The following TRAPPC10 variants were observed in gnomAD, a reference collection of about 807,000 sequenced individuals.
TRAPPC10 encodes the protein trafficking protein particle complex subunit 10, also known as TRAPP 130 kDa subunit.
TRAPPC10 carries 23 observed loss-of-function variants against 125.5 expected under a neutral mutation model. The ratio of observed to expected loss-of-function variants is 0.18; its 90% confidence interval spans 0.13 to 0.26. TRAPPC10 has a LOEUF of 0.26. Among genes scored for constraint, TRAPPC10 ranks in the 10% least tolerant of loss-of-function variants. The pLI, the probability that TRAPPC10 is intolerant of heterozygous loss-of-function variation, is 1.00. For missense variants in TRAPPC10, 1,123 were observed against 1,308.4 expected (o/e 0.86, Z 2.19); for synonymous variants, 509 against 518.0 (o/e 0.98, Z 0.24).
Position 44,063,151 on chromosome 21 carries a change from C to T in TRAPPC10, c.791-387C>T. 2 of 1,305,566 alleles carry T rather than the reference C, an allele frequency of 1.5e-6. No individual in the cohort carries two copies. Among genetic ancestry groups the T allele is most frequent in the Non-Finnish European group, 2.0e-6 (2 of 992,460 alleles). 80.9% of individuals were successfully genotyped at this position (1,305,566 alleles called of 1,614,324 possible). Reference sequence around the variant, plus strand: ...AAAACACCAGGATGGTCAGAGCAGGCTGCACTCCAGCCCACAGGTAAAGAT... The same window carrying T: ...AAAACACCAGGATGGTCAGAGCAGGTTGCACTCCAGCCCACAGGTAAAGAT... On this transcript the variant is annotated intron_variant, in intron 6 of 22. Coordinates refer to ENST00000291574, the MANE Select transcript of TRAPPC10 (RefSeq NM_003274.5). This position sits in a 1 kb window ranked among gnomAD's most constrained non-coding sequence, Gnocchi z 4.4.
At position 44,018,917 on chromosome 21, in the gene TRAPPC10, C is replaced by T. The variant is rs563097581; in HGVS notation, c.67+6357C>T. ...GTTGACAGAGTGTCTTCCCTGGAGT[C>T]GCATGCCTTAGTGTGTAAGTGTGTG... On this transcript the variant is annotated intron_variant, in intron 1 of 22. Transcript: ENST00000291574. Among the ~76,000 whole-genome samples the T allele has an allele frequency of 7.6e-4, 115 of 152,198 alleles. 1 individual carries two copies. Among genetic ancestry groups the T allele is most frequent in the African/African-American group, 2.6e-3 (106 of 41,522 alleles).
chr21:44,095,876 G>A (rs2058946028), intron 20 of TRAPPC10, among the ~76,000 whole-genome samples: 1 of 151,400 alleles, frequency 6.6e-6, no homozygotes, highest in Admixed American at 6.6e-5. Context: ...CCCAAAGTAC[G>A]GGTTTGTATG....
chr21:44,035,670 G>A (rs1370237875), intron 2 of TRAPPC10, among the ~76,000 whole-genome samples: 2 of 152,082 alleles, frequency 1.3e-5, no homozygotes, highest in African/African-American at 4.8e-5. Context: ...CCAACTACCC[G>A]GGAGGCTGAG....
chr21:44,023,192 C>T (rs539082543), intron 1 of TRAPPC10, among the ~76,000 whole-genome samples: 14 of 151,836 alleles, frequency 9.2e-5, no homozygotes, highest in Non-Finnish European at 1.2e-4. Context: ...GCCACCACGC[C>T]GGGCTAATTT....
chr21:44,079,906 AG>A (rs1414156015), intron 12 of TRAPPC10, 108 bp from the exon 13 acceptor site: 3 of 1,109,206 alleles, frequency 2.7e-6, no homozygotes, highest in Admixed American at 2.8e-5. Context: ...AAAAAAAAAA[AG>A]CCCTTTGGCT....
chr21:44,050,160 C>T (rs186354467), intron 3 of TRAPPC10, among the ~76,000 whole-genome samples: 6 of 152,218 alleles, frequency 3.9e-5, no homozygotes, highest in Middle Eastern at 6.8e-3. Context: ...GTCACAGAGT[C>T]GTTTTTAACA....
At chr21:44,074,233 G>T (rs568353720) in intron 7 of TRAPPC10, 91 bp from the exon 8 acceptor site, 1 of 1,524,590 alleles carries the variant, frequency 6.6e-7, no homozygotes, top group East Asian at 2.3e-5. Context: ...AGGATGGAGG[G>T]TTTTGCACGT....
chr21:44,093,255 T>C (rs1429929940), intron 19 of TRAPPC10, among the ~76,000 whole-genome samples: 2 of 151,746 alleles, frequency 1.3e-5, no homozygotes, highest in African/African-American at 2.4e-5. Context: ...GCTCAGGAGT[T>C]TGAGACCAGC....
At chr21:44,075,487 ATT>A (rs879495618) in intron 9 of TRAPPC10, among the ~76,000 whole-genome samples, 4 of 143,994 alleles carry the variant, frequency 2.8e-5, no homozygotes, top group African/African-American at 5.1e-5. Context: ...CGACCTGACG[ATT>A]TTTTTTTTTT....
intron 7 of TRAPPC10, among the ~76,000 whole-genome samples, chr21:44,064,078 G>C (rs1005152485): frequency 3.3e-5 from 5 of 152,196 alleles, no homozygotes; most frequent in Non-Finnish European, 7.3e-5. Context: ...TGCGTGAGCT[G>C]TCTCCACGGG....
At chr21:44,028,379 C>T (rs1237044272) in intron 1 of TRAPPC10, among the ~76,000 whole-genome samples, 2 of 152,154 alleles carry the variant, frequency 1.3e-5, no homozygotes, top group African/African-American at 4.8e-5. Context: ...CGGCTCCAGG[C>T]GGCACCCTAG....
chr21:44,031,972 G>A, intron 1 of TRAPPC10, 119 bp from the exon 2 acceptor site: 1 of 782,770 alleles, frequency 1.3e-6, no homozygotes. Context: ...GAAGAATCTT[G>A]CGATATCGCT....
Position 44,076,574 on chromosome 21 carries a change from T to C in TRAPPC10, c.1323T>C (p.Tyr441=), listed in dbSNP as rs1227670138. The change falls in exon 10 of 23, where the codon TAT becomes TAC. Residue 441 remains tyrosine (Y), a synonymous_variant. Coordinates refer to ENST00000291574, the MANE Select transcript of TRAPPC10 (RefSeq NM_003274.5). ...AAGCCAACACAGCTCAGAGTCCTTA[T>C]AAGAAACTGAAAGAAGCATTATCGT... The part of the protein sequence containing the change: ...PETANTAQSP[Y]KKLKEALSSV... The C allele has an allele frequency of 7.4e-6, 12 of 1,614,040 alleles. No individual in the cohort carries two copies. The East Asian group carries it at 2.5e-4, about 33-fold the overall frequency.
chr21:44,045,685 G>T (rs1297276405), intron 3 of TRAPPC10, among the ~76,000 whole-genome samples: 1 of 151,760 alleles, frequency 6.6e-6, no homozygotes, highest in Non-Finnish European at 1.5e-5. Context: ...CTGAGTAGCT[G>T]GGATTATAGG....
At position 44,051,115 on chromosome 21, in the gene TRAPPC10, G is replaced by T. The variant is rs557526808; in HGVS notation, c.286-1165G>T. Among the ~76,000 whole-genome samples the T allele has an allele frequency of 1.4e-4, 22 of 152,248 alleles. No homozygotes were observed. The East Asian group carries it at 3.9e-3, about 27-fold the overall frequency. The stretch of plus-strand genomic sequence containing the variant: ...GATGGGGTTTCACCATGTTGCCCAA[G>T]CTGGTCTTGAACTCCTGAGCTCAGG... On this transcript the variant is annotated intron_variant, in intron 3 of 22. Coordinates refer to ENST00000291574, the MANE Select transcript of TRAPPC10 (RefSeq NM_003274.5).
At position 44,082,624 on chromosome 21, in the gene TRAPPC10, T is replaced by G. The variant is rs1378103211; in HGVS notation, c.1724-164T>G. Among the ~76,000 whole-genome samples, 1 of 152,020 alleles carries G rather than the reference T, an allele frequency of 6.6e-6. No individual in the cohort carries two copies. ...ATATTCTGCTTTTGATACAATAGCC[T>G]TTGGGGGGTGTGAAGATGGCAGGAG... is the stretch of plus-strand genomic sequence containing the variant. On this transcript the variant is annotated intron_variant, in intron 13 of 22. Transcript: ENST00000291574. The surrounding 1 kb of genome is among the most constrained non-coding windows in gnomAD (Gnocchi z 4.4).
chr21:44,022,276 A>ATTTT (rs58767563), intron 1 of TRAPPC10, among the ~76,000 whole-genome samples: 2 of 83,810 alleles, frequency 2.4e-5, no homozygotes, highest in Non-Finnish European at 2.4e-5. Context: ...GCCTGGCTAA[A>ATTTT]TTTTTTTTTT....
At chr21:44,074,586 A>T in intron 8 of TRAPPC10, 116 bp downstream of exon 8, 2 of 1,375,438 alleles carry the variant, frequency 1.5e-6, no homozygotes, top group East Asian at 4.9e-5. Context: ...CGATGCATCC[A>T]CTTTAGTGGC....
Position 44,032,087 on chromosome 21 carries a change from A to T in TRAPPC10, c.68-4A>T. On this transcript the variant is annotated splice_polypyrimidine_tract_variant and splice_region_variant and intron_variant, in intron 1 of 22. Coordinates refer to ENST00000291574, the MANE Select transcript of TRAPPC10 (RefSeq NM_003274.5). ...GTAACTGAATTTCTTTCTTCCCTTC[A>T]TAGGTGCTGGAGATCAGAATTTATT... The T allele has an allele frequency of 1.2e-6, 2 of 1,611,478 alleles. No homozygotes were observed. The highest frequency in any genetic ancestry group is 1.7e-6 in the Non-Finnish European group (2 of 1,178,672).
Sources: allele counts gnomAD v4.1 joint callset (sites outside exome capture counted in the v4.1 genomes callset), GRCh38; gene constraint gnomAD v4.1.1; non-coding constraint Gnocchi (gnomAD v3.1); transcripts MANE v1.5; gene names NCBI Gene and HGNC (gene_info 2026-07-23, HGNC 2026-07-21).